Variants in ACOT7 observed in about 807,000 individuals in gnomAD.
ACOT7 encodes the protein acyl-CoA thioesterase 7, also known as cytosolic acyl coenzyme A thioester hydrolase.
A neutral mutation model predicts 40.2 loss-of-function variants in ACOT7; 12 were observed. That is an observed-to-expected ratio of 0.30 (90% CI 0.19 to 0.48). The LOEUF (loss-of-function observed/expected upper bound fraction) is 0.48. ACOT7 is among the 20% of genes least tolerant of loss of function. The pLI is 0.99. For missense variants in ACOT7, 395 were observed against 530.8 expected, an observed-to-expected ratio of 0.74 and a Z score of 2.51; for synonymous variants, 228 against 219.5, an observed-to-expected ratio of 1.04 and a Z score of -0.34.
chr1:6,344,172 T>C (rs954852266), intron 2 of ACOT7, among the ~76,000 whole-genome samples: 2 of 152,034 alleles, frequency 1.3e-5, no homozygotes, highest in African/African-American at 2.4e-5. Flanking sequence ...GTGGGAGACA[T>C]GGACAAAGGT....
chr1:6,323,236 G>A (rs889437160), intron 5 of ACOT7, among the ~76,000 whole-genome samples: 4 of 152,326 alleles, frequency 2.6e-5, no homozygotes, highest in East Asian at 3.9e-4. Context: ...TTCGGCTACT[G>A]AGAAACATTA....
intron 7 of ACOT7, among the ~76,000 whole-genome samples, chr1:6,293,434 A>C (rs559474606): frequency 6.6e-6 from 1 of 152,332 alleles, no homozygotes; most frequent in East Asian, 1.9e-4. Context: ...CAGAGGACCC[A>C]CTTGTTTTGG....
chr1:6,351,160 T>C (rs114122219), intron 1 of ACOT7, among the ~76,000 whole-genome samples: 5,645 of 152,242 alleles, frequency 0.037, 128 homozygotes, highest in South Asian at 0.045. Context: ...CAGCAACCCA[T>C]AGCTGCCCAT....
Position 6,311,605 on chromosome 1 carries a change from T to G in ACOT7, c.712+6887A>C, listed in dbSNP as rs1640333760. Among the ~76,000 whole-genome samples, 1 of 152,124 alleles carries G rather than the reference T, an allele frequency of 6.6e-6. No individual in the cohort carries two copies. The highest frequency in any genetic ancestry group is 1.5e-5 in the Non-Finnish European group (1 of 68,028). ...ATAATTCAGGGAGGATCACAGTAAC[T>G]AACTGTAGGAATGAGGTTCTTCTTC... On this transcript the variant is annotated intron_variant, in intron 6 of 8. Transcript: ENST00000361521. The surrounding 1 kb of genome is among the most constrained non-coding windows in gnomAD (Gnocchi z 5.2).
intron 1 of ACOT7, among the ~76,000 whole-genome samples, chr1:6,356,533 G>A (rs1641748896): frequency 6.6e-6 from 1 of 152,194 alleles, no homozygotes; most frequent in Admixed American, 6.5e-5. Context: ...CTTGGCAGCA[G>A]CCCTGCAGGG....
intron 1 of ACOT7, among the ~76,000 whole-genome samples, chr1:6,370,981 T>C (rs1389745190): frequency 1.3e-5 from 2 of 151,892 alleles, no homozygotes; most frequent in Admixed American, 1.3e-4. Flanking sequence ...TGGCTAATTT[T>C]TATATTTTTA....
chr1:6,392,023 G>T lies in ACOT7; in HGVS notation c.143+1234C>A, dbSNP rs1642540922. 5.3e-5 allele frequency among the ~76,000 whole-genome samples: 8 copies of T among 152,058 alleles called. 1 individual carries two copies. The South Asian group carries it at 1.7e-3, about 32-fold the overall frequency. ...ACAGAGCCAAAGTCAAAGGGGCAGGGCTCCCCCAAAGACGTTCCCCCTCTG... is the reference window on the plus strand; with the variant it reads ...ACAGAGCCAAAGTCAAAGGGGCAGGTCTCCCCCAAAGACGTTCCCCCTCTG... On this transcript the variant is annotated intron_variant, in intron 1 of 8. Transcript: ENST00000361521.
At chr1:6,347,394 C>A (rs1385905911) in intron 2 of ACOT7, among the ~76,000 whole-genome samples, 1 of 152,192 alleles carries the variant, frequency 6.6e-6, no homozygotes, top group Non-Finnish European at 1.5e-5. Flanking sequence ...CTACCATCTG[C>A]CTCCCCAGGT....
rs145627578 is a variant in ACOT7 at position 6,372,985 on chromosome 1, G to A, written c.143+20272C>T. On this transcript the variant is annotated intron_variant, in intron 1 of 8. Transcript: ENST00000361521. ...GGAGCTCACGAAAAGGGAGAGAGAT[G>A]GGGAAATAGCCGGTCAGTGGGGCAG... 3.8e-3 allele frequency among the ~76,000 whole-genome samples: 574 copies of A among 152,286 alleles called. 5 individuals are homozygous for A. The highest frequency in any genetic ancestry group is 0.013 in the African/African-American group (557 of 41,556).
intron 1 of ACOT7, among the ~76,000 whole-genome samples, chr1:6,371,345 AAG>A (rs1465024840): frequency 5.4e-5 from 8 of 148,952 alleles, no homozygotes; most frequent in African/African-American, 1.8e-4. Context: ...AGCCCCTAAC[AAG>A]AGAGTCAGCC....
In ACOT7 at chr1:6,288,707, C is replaced by G. The variant is rs901764704; in HGVS notation, c.829+6157G>C. On this transcript the variant is annotated intron_variant, in intron 7 of 8. Coordinates refer to ENST00000361521, the MANE Select transcript of ACOT7 (RefSeq NM_007274.4). The surrounding 1 kb of genome is among the most constrained non-coding windows in gnomAD (Gnocchi z 4.3). ...TCATAAATGCCAAATTTGCAGCCAA[C>G]AGAGCTGGGCCCACGGCAGGGTGGC... 6.6e-6 allele frequency among the ~76,000 whole-genome samples: 1 copy of G among 152,234 alleles called. No homozygotes were observed. Among genetic ancestry groups the G allele is most frequent in the Non-Finnish European group, 1.5e-5 (1 of 68,040 alleles).
chr1:6,343,985 G>A (rs927097003), intron 2 of ACOT7, among the ~76,000 whole-genome samples: 52 of 152,226 alleles, frequency 3.4e-4, no homozygotes, highest in African/African-American at 1.1e-3. Context: ...ACGCCACGAT[G>A]GGGACAGCCC....
chr1:6,346,606 AC>A (rs1641431064), intron 2 of ACOT7, among the ~76,000 whole-genome samples: 1 of 152,242 alleles, frequency 6.6e-6, no homozygotes, highest in Non-Finnish European at 1.5e-5. Context: ...TTTGGGCGAA[AC>A]AGGAGATCTG....
At chr1:6,300,992 C>G (rs1047556814) in intron 6 of ACOT7, among the ~76,000 whole-genome samples, 2 of 152,236 alleles carry the variant, frequency 1.3e-5, no homozygotes, top group Non-Finnish European at 2.9e-5. Flanking sequence ...CCTTGGGCCA[C>G]CAGAGGCAAT....
intron 7 of ACOT7, among the ~76,000 whole-genome samples, chr1:6,290,591 T>G (rs905882315): frequency 5.9e-5 from 9 of 152,254 alleles, no homozygotes; most frequent in Non-Finnish European, 1.0e-4. Flanking sequence ...AAATTTATAC[T>G]TGACTTAAGG....
At chr1:6,376,276 C>CA (rs1642230483) in intron 1 of ACOT7, among the ~76,000 whole-genome samples, 1 of 151,834 alleles carries the variant, frequency 6.6e-6, no homozygotes, top group Non-Finnish European at 1.5e-5. Flanking sequence ...AACAAACCAA[C>CA]AAAAAAATTA....
chr1:6,389,445 G>GC (rs1336541999), intron 1 of ACOT7, among the ~76,000 whole-genome samples: 3 of 152,068 alleles, frequency 2.0e-5, no homozygotes, highest in Admixed American at 6.6e-5. Flanking sequence ...GGAACACCCT[G>GC]CCCCCCACAG....
chr1:6,361,853 C>T (rs1362370158), intron 1 of ACOT7, among the ~76,000 whole-genome samples: 1 of 152,156 alleles, frequency 6.6e-6, no homozygotes, highest in African/African-American at 2.4e-5. Flanking sequence ...GAAGCTGTGG[C>T]CCCTCCCTAC....
chr1:6,388,737 TAA>T (rs34026058), intron 1 of ACOT7, among the ~76,000 whole-genome samples: 866 of 84,564 alleles, frequency 0.01, 8 homozygotes, highest in African/African-American at 0.035. Context: ...GAGACTCTCT[TAA>T]AAAAAAAAAA....
Sources: allele counts gnomAD v4.1 joint callset (sites outside exome capture counted in the v4.1 genomes callset), GRCh38; gene constraint gnomAD v4.1.1; non-coding constraint Gnocchi (gnomAD v3.1); transcripts MANE v1.5; gene names NCBI Gene and HGNC (gene_info 2026-07-23, HGNC 2026-07-21).